RHOA: variants seen among roughly 807,000 people sequenced by gnomAD.
The protein encoded by RHOA is ras homolog family member A.
RHOA carries 3 observed loss-of-function variants against 17.5 expected under a neutral mutation model. That is an observed-to-expected ratio of 0.17 (90% confidence interval 0.08 to 0.44). The LOEUF (loss-of-function observed/expected upper bound fraction) is 0.44. Ranked by LOEUF, RHOA falls within the 20% of genes least tolerant of loss-of-function variation. RHOA has a pLI of 0.99. For synonymous variants in RHOA, 98 were observed against 88.4 expected (o/e 1.11, Z -0.61); for missense variants, 56 against 242.3 (o/e 0.23, Z 5.10).
intron 1 of RHOA, among the ~76,000 whole-genome samples, chr3:49,395,929 A>C (rs1026101493): frequency 4.6e-5 from 7 of 152,166 alleles, no homozygotes; most frequent in African/African-American, 1.7e-4. Context: ...ATCAGTGCCC[A>C]GGTAAGCTGT....
Position 49,359,927 on chromosome 3 carries a change from A to G in RHOA, c.*282T>C. The G allele has an allele frequency of 5.4e-6, 2 of 368,962 alleles. No homozygotes were observed. Among genetic ancestry groups the G allele is most frequent in the Non-Finnish European group, 9.8e-6 (2 of 204,318 alleles). The allele number at this position is 368,962 out of a possible 1,614,324, so 22.9% of individuals were successfully genotyped here. A position where few individuals can be genotyped will look rare whatever the true frequency, so the allele number is the denominator to read the frequency against. On this transcript the variant is annotated 3_prime_UTR_variant, in exon 5 of 5. Coordinates refer to ENST00000418115, the MANE Select transcript of RHOA (RefSeq NM_001664.4). The stretch of plus-strand genomic sequence containing the variant: ...GTTACCAACTGTTTCTCTTTCTAGA[A>G]AGAAGCAAGAAGTTAAGAAATTCCT...
intron 1 of RHOA, among the ~76,000 whole-genome samples, chr3:49,397,365 T>C (rs1323002164): frequency 6.6e-6 from 1 of 152,048 alleles, no homozygotes; most frequent in Non-Finnish European, 1.5e-5. Context: ...CTTTTTGAGG[T>C]GATAATAATG....
chr3:49,366,270 C>G (rs1246085686), intron 3 of RHOA, among the ~76,000 whole-genome samples: 1 of 152,112 alleles, frequency 6.6e-6, no homozygotes, highest in Non-Finnish European at 1.5e-5. Context: ...CCTCCAGGGC[C>G]TTCCAGCAGC....
At chr3:49,376,586 T>G (rs1456622459) in intron 1 of RHOA, among the ~76,000 whole-genome samples, 1 of 135,838 alleles carries the variant, frequency 7.4e-6, no homozygotes, top group Admixed American at 8.8e-5. Context: ...GAGCTTGCAG[T>G]GAGCCAAGAT....
chr3:49,376,644 C>CAAAA (rs963176937), intron 1 of RHOA, among the ~76,000 whole-genome samples: 3 of 43,788 alleles, frequency 6.9e-5, no homozygotes, highest in Admixed American at 4.5e-4. Flanking sequence ...CTCCATCTCA[C>CAAAA]AAAAAAAAAA....
intron 1 of RHOA, among the ~76,000 whole-genome samples, chr3:49,385,542 GTTTT>G (rs766685362): frequency 2.0e-5 from 3 of 151,602 alleles, no homozygotes; most frequent in African/African-American, 7.3e-5. Context: ...AAACTCAGTT[GTTTT>G]TTTTATTTTT....
intron 1 of RHOA, among the ~76,000 whole-genome samples, chr3:49,407,529 C>A (rs1055352025): frequency 3.3e-5 from 5 of 152,164 alleles, no homozygotes; most frequent in Non-Finnish European, 5.9e-5. Flanking sequence ...CCACTGCTCC[C>A]AGCCAGGAAT....
In RHOA at chr3:49,399,577, CT is replaced by C. The variant is rs769088574; in HGVS notation, c.-3+12242del. ...CTGTCTCTAGAATAGTACACAGGAG[CT>C]TTTTTTTTTTTTTCCCCCAGAAAGG... is the stretch of plus-strand genomic sequence containing the variant. On this transcript the variant is annotated intron_variant, in intron 1 of 4. Transcript: ENST00000418115. 8.3e-5 allele frequency among the ~76,000 whole-genome samples: 12 copies of C among 144,402 alleles called. No individual in the cohort carries two copies. In the East Asian group the frequency reaches 1.0e-3, roughly 12 times the overall value. 94.7% of individuals were successfully genotyped at this position (144,402 alleles called of 152,430 possible). A position where few individuals can be genotyped will look rare whatever the true frequency, so the allele number is the denominator to read the frequency against.
chr3:49,373,830 G>C (rs1183500291), intron 2 of RHOA, among the ~76,000 whole-genome samples: 1 of 150,454 alleles, frequency 6.6e-6, no homozygotes. Context: ...AAGTATGAGA[G>C]GCCAAGCAAA....
intron 1 of RHOA, among the ~76,000 whole-genome samples, chr3:49,397,729 T>C (rs72934230): frequency 0.039 from 5,866 of 151,992 alleles, 385 homozygotes; most frequent in African/African-American, 0.13. Context: ...ATTACGAGAT[T>C]AGAGGGGAAC....
intron 1 of RHOA, among the ~76,000 whole-genome samples, chr3:49,383,599 C>T (rs1028720225): frequency 6.6e-6 from 1 of 152,096 alleles, no homozygotes; most frequent in Admixed American, 6.6e-5. Context: ...CACTTTCAGC[C>T]TGCACTCCAT....
At chr3:49,402,007 A>G (rs2140270) in intron 1 of RHOA, among the ~76,000 whole-genome samples, 36,194 of 152,104 alleles carry the variant, frequency 0.24, 4,611 homozygotes, top group Middle Eastern at 0.29. Context: ...AGCAGCAGGA[A>G]TAAGGCACAT....
chr3:49,378,747 G>C (rs967590446), intron 1 of RHOA, among the ~76,000 whole-genome samples: 1 of 151,890 alleles, frequency 6.6e-6, no homozygotes, highest in African/African-American at 2.4e-5. Context: ...GGGACTACCA[G>C]GCTCCTGCCA....
intron 2 of RHOA, among the ~76,000 whole-genome samples, chr3:49,372,945 T>C (rs1011791405): frequency 6.6e-6 from 1 of 152,170 alleles, no homozygotes; most frequent in South Asian, 2.1e-4. Flanking sequence ...AGCCCTACAA[T>C]GAGGGACCCT....
chr3:49,375,530 G>A lies in RHOA; in HGVS notation c.60C>T (p.Cys20=), dbSNP rs1301831408. 2 of 1,613,966 alleles carry A rather than the reference G, an allele frequency of 1.2e-6. No homozygotes were observed. Among genetic ancestry groups the A allele is most frequent in the African/African-American group, 2.7e-5 (2 of 74,926 alleles). The change falls in exon 2 of 5, where the codon TGC becomes TGT. Residue 20 remains cysteine (C), a synonymous_variant. Coordinates refer to ENST00000418115, the MANE Select transcript of RHOA (RefSeq NM_001664.4). ...GGTCCTTGCTGAAGACTATGAGCAA[G>A]CATGTCTTTCCACAGGCTCCATCAC... ...IVGDGACGKT[C]LLIVFSKDQF... is the part of the protein sequence containing the mutation.
Position 49,402,231 on chromosome 3 carries a change from C to T in RHOA, c.-3+9589G>A, listed in dbSNP as rs2048737682. Among the ~76,000 whole-genome samples, 5 of 151,894 alleles carry T rather than the reference C, an allele frequency of 3.3e-5. No individual in the cohort carries two copies. The South Asian group carries it at 1.0e-3, about 31-fold the overall frequency. On this transcript the variant is annotated intron_variant, in intron 1 of 4. Transcript: ENST00000418115. The stretch of plus-strand genomic sequence containing the variant: ...AGAATCAGGATTTGACTTTGTTTGG[C>T]CTAATTCCAAACTTACATTGCCTCT...
intron 1 of RHOA, among the ~76,000 whole-genome samples, chr3:49,381,405 C>CAA (rs34190698): frequency 3.7e-4 from 49 of 132,600 alleles, no homozygotes; most frequent in Non-Finnish European, 3.7e-4. Flanking sequence ...AACCCCGTCT[C>CAA]AAAAAAAAAA....
chr3:49,390,595 G>A (rs1419811099), intron 1 of RHOA, among the ~76,000 whole-genome samples: 1 of 152,006 alleles, frequency 6.6e-6, no homozygotes, highest in Non-Finnish European at 1.5e-5. Context: ...ACCTTACTTG[G>A]GATGCTAGCC....
chr3:49,403,618 T>C (rs2048763973), intron 1 of RHOA, among the ~76,000 whole-genome samples: 1 of 151,942 alleles, frequency 6.6e-6, no homozygotes, highest in Non-Finnish European at 1.5e-5. Flanking sequence ...TCCCAGCTAC[T>C]CGGGAGGCTA....
Sources: gnomAD v4.1 joint callset for allele counts (sites outside exome capture counted in the v4.1 genomes callset) on GRCh38, gnomAD v4.1.1 for gene constraint, MANE v1.5 for transcripts, NCBI Gene and HGNC (gene_info 2026-07-23, HGNC 2026-07-21) for gene names.